PTPRD: variants seen among roughly 807,000 people sequenced by gnomAD.
PTPRD encodes protein tyrosine phosphatase receptor type D.
Under a neutral mutation model 214.5 loss-of-function variants are expected in PTPRD, and 34 were observed. That is an observed-to-expected ratio of 0.16 (90% CI 0.12 to 0.21). The LOEUF (loss-of-function observed/expected upper bound fraction) is 0.21, where lower values mean the gene tolerates loss of function less well. Ranked by LOEUF, PTPRD falls within the 10% of genes least tolerant of loss-of-function variation. PTPRD has a pLI of 1.00. For missense variants in PTPRD, 2,545 were observed against 2,398.7 expected (o/e 1.06, Z -1.27); for synonymous variants, 1,128 against 845.7 (o/e 1.33, Z -5.79).
chr9:9,372,983 G>A (rs561186036), intron 9 of PTPRD, among the ~76,000 whole-genome samples: 1 of 152,138 alleles, frequency 6.6e-6, no homozygotes, highest in Non-Finnish European at 1.5e-5. Context: ...TACCAGTTTA[G>A]AGTCTCACAA....
At chr9:10,036,534 AATTTTGCCAGGATTC>A (rs2097185188) in intron 3 of PTPRD, among the ~76,000 whole-genome samples, 1 of 93,082 alleles carries the variant, frequency 1.1e-5, no homozygotes, top group Admixed American at 1.2e-4. Context: ...ACACACACAC[AATTTTGCCAGGATTC>A]CACAAACAGC....
intron 10 of PTPRD, among the ~76,000 whole-genome samples, chr9:9,034,515 G>T (rs1255022006): frequency 6.6e-6 from 1 of 152,154 alleles, no homozygotes; most frequent in Non-Finnish European, 1.5e-5. Context: ...TAAGTGCATT[G>T]TAAACATGGG....
At chr9:9,017,717 T>G (rs143742383) in intron 11 of PTPRD, among the ~76,000 whole-genome samples, 15 of 152,286 alleles carry the variant, frequency 9.8e-5, no homozygotes, top group African/African-American at 3.6e-4. Flanking sequence ...AATTGCATGA[T>G]GACTAGAATT....
intron 3 of PTPRD, among the ~76,000 whole-genome samples, chr9:10,140,021 AC>A (rs2098971993): frequency 6.6e-6 from 1 of 152,036 alleles, no homozygotes; most frequent in Admixed American, 6.6e-5. Context: ...TGCAACAAAA[AC>A]AAAAATTAAC....
intron 11 of PTPRD, among the ~76,000 whole-genome samples, chr9:8,989,073 C>G (rs893036913): frequency 6.6e-6 from 1 of 151,930 alleles, no homozygotes; most frequent in Non-Finnish European, 1.5e-5. Flanking sequence ...ACCTATGTCT[C>G]AGTTTTTTTA....
intron 4 of PTPRD, among the ~76,000 whole-genome samples, chr9:9,954,297 CAAA>C (rs781628679): frequency 1.9e-5 from 1 of 53,776 alleles, no homozygotes; most frequent in African/African-American, 5.1e-5. Flanking sequence ...TGTCTCAAAA[CAAA>C]AAAAAAAAAA....
rs903831419 is a variant in PTPRD at position 8,315,362 on chromosome 9, T to C, written c.*2512A>G. On this transcript the variant is annotated 3_prime_UTR_variant, in exon 46 of 46. Coordinates refer to ENST00000381196, the MANE Select transcript of PTPRD (RefSeq NM_002839.4). ...TTGTTTCAGGGAGAGAAGCTGCTCA[T>C]TGGCCAATCATTCTGGTGTGCAGTG... 4.3e-6 allele frequency: 1 copy of C among 232,448 alleles called. No homozygotes were observed. Among genetic ancestry groups the C allele is most frequent in the Admixed American group, 5.6e-5 (1 of 17,718 alleles). 14.4% of individuals were successfully genotyped at this position (232,448 alleles called of 1,614,324 possible).
chr9:9,911,390 G>T (rs1245932654), intron 5 of PTPRD, among the ~76,000 whole-genome samples: 1 of 148,408 alleles, frequency 6.7e-6, no homozygotes, highest in African/African-American at 2.5e-5. Flanking sequence ...GCATGAAAAT[G>T]AACATTAGCC....
chr9:8,392,217 C>A (rs893850795), intron 36 of PTPRD, among the ~76,000 whole-genome samples: 2 of 151,874 alleles, frequency 1.3e-5, no homozygotes, highest in Non-Finnish European at 2.9e-5. Flanking sequence ...GACCCTGTCT[C>A]TACAAAAAAA....
At chr9:9,950,784 T>G (rs1296605392) in intron 4 of PTPRD, among the ~76,000 whole-genome samples, 1 of 145,502 alleles carries the variant, frequency 6.9e-6, no homozygotes, top group Non-Finnish European at 1.5e-5. Flanking sequence ...GATCAAACTA[T>G]CTTTTATACC....
intron 12 of PTPRD, among the ~76,000 whole-genome samples, chr9:8,732,909 C>T (rs1598275755): frequency 6.6e-6 from 1 of 152,158 alleles, no homozygotes; most frequent in East Asian, 1.9e-4. Flanking sequence ...GCAGATGTCA[C>T]ACATTTTACT....
chr9:9,059,924 C>T (rs193407), intron 10 of PTPRD, among the ~76,000 whole-genome samples: 1 of 151,842 alleles, frequency 6.6e-6, no homozygotes, highest in African/African-American at 2.4e-5. Context: ...GGAGGGTTAC[C>T]CCATATTTAT....
chr9:9,376,353 C>T (rs908103153), intron 9 of PTPRD, among the ~76,000 whole-genome samples: 2 of 152,146 alleles, frequency 1.3e-5, no homozygotes. Flanking sequence ...TTGACTTTGG[C>T]TATAGACAAC....
chr9:8,979,335 G>GT (rs983377253), intron 11 of PTPRD, among the ~76,000 whole-genome samples: 23 of 151,856 alleles, frequency 1.5e-4, no homozygotes, highest in African/African-American at 3.6e-4. Context: ...CTTGGCAATG[G>GT]TTTTTTTTGG....
intron 11 of PTPRD, among the ~76,000 whole-genome samples, chr9:8,992,474 C>G (rs1350006397): frequency 6.7e-6 from 1 of 150,098 alleles, no homozygotes. Context: ...CTCAGAGGCT[C>G]TCACTCTAGA....
chr9:9,269,008 C>G (rs1344124152), intron 9 of PTPRD, among the ~76,000 whole-genome samples: 1 of 149,764 alleles, frequency 6.7e-6, no homozygotes, highest in East Asian at 2.0e-4. Context: ...AAATAAACAA[C>G]TGGAAACACA....
intron 9 of PTPRD, among the ~76,000 whole-genome samples, chr9:9,280,330 G>C (rs570023526): frequency 1.3e-5 from 2 of 150,694 alleles, no homozygotes; most frequent in African/African-American, 4.9e-5. Context: ...TAAGGAATAG[G>C]GAAATATAAC....
intron 2 of PTPRD, among the ~76,000 whole-genome samples, chr9:10,539,016 C>T (rs1007628864): frequency 3.9e-5 from 6 of 152,162 alleles, no homozygotes; most frequent in Non-Finnish European, 8.8e-5. Flanking sequence ...TTGGTAATGG[C>T]TCTTCCCTAA....
intron 5 of PTPRD, among the ~76,000 whole-genome samples, chr9:9,853,789 C>T (rs1244925058): frequency 6.6e-6 from 1 of 152,052 alleles, no homozygotes; most frequent in Non-Finnish European, 1.5e-5. Flanking sequence ...ATTTCTTGAC[C>T]TCATGATCCG....
Sources: allele counts gnomAD v4.1 joint callset (sites outside exome capture counted in the v4.1 genomes callset), GRCh38; gene constraint gnomAD v4.1.1; transcripts MANE v1.5; gene names NCBI Gene and HGNC (gene_info 2026-07-23, HGNC 2026-07-21).